Variants in MVP observed in about 807,000 individuals in gnomAD.
The protein encoded by MVP is lung resistance-related protein.
Under a neutral mutation model 83.5 loss-of-function variants are expected in MVP, and 62 were observed. The ratio of observed to expected loss-of-function variants is 0.74; its 90% confidence interval spans 0.61 to 0.92. MVP has a LOEUF of 0.92. Among genes scored for constraint, MVP ranks in the 40% least tolerant of loss-of-function variants. The probability of loss-of-function intolerance (pLI) is 0.00; values close to 1 mark genes in which losing one functional copy is unlikely to be tolerated. For synonymous variants in MVP, 505 were observed against 504.1 expected (o/e 1.00, Z -0.02); for missense variants, 1,000 against 1,203.4 (o/e 0.83, Z 2.50).
chr16:29,835,777 C>G lies in MVP; in HGVS notation c.651C>G (p.Asp217Glu). Reference sequence around the variant, plus strand: ...TTGAGGAGGTTCTGGATTTGGTGGACGCCGTCATCCTTACGGAAAAGGTTG... The same window carrying G: ...TTGAGGAGGTTCTGGATTTGGTGGAGGCCGTCATCCTTACGGAAAAGGTTG... ...AVFEEVLDLV[D>E]AVILTEKTAL... The change falls in exon 6 of 15, where the codon GAC becomes GAG. Residue 217 changes from aspartate to glutamate, a missense_variant. Asp to Glu is a conservative substitution (Grantham distance 45, BLOSUM62 2). Coordinates refer to ENST00000357402, the MANE Select transcript of MVP (RefSeq NM_005115.5). The G allele has an allele frequency of 6.2e-7, 1 of 1,613,764 alleles. No individual in the cohort carries two copies. Among genetic ancestry groups the G allele is most frequent in the Non-Finnish European group, 8.5e-7 (1 of 1,179,948 alleles).
chr16:29,827,633 G>A (rs935613505), intron 1 of MVP, among the ~76,000 whole-genome samples: 6 of 152,200 alleles, frequency 3.9e-5, no homozygotes, highest in Admixed American at 1.3e-4. Context: ...ATTAAAATTA[G>A]CTGGGTACGG....
intron 1 of MVP, chr16:29,825,997 A>C (rs2067402365): frequency 6.6e-6 from 1 of 152,260 alleles, no homozygotes; most frequent in South Asian, 2.1e-4. Flanking sequence ...TTCACTTGGC[A>C]GTAAAGCCCC....
chr16:29,837,579 C>T (rs1458010116), intron 7 of MVP, among the ~76,000 whole-genome samples: 1 of 152,048 alleles, frequency 6.6e-6, no homozygotes, highest in African/African-American at 2.4e-5. Context: ...CGTGGGGAAA[C>T]CCTGTCTCTA....
chr16:29,823,063 C>T (rs2067375077), intron 1 of MVP, among the ~76,000 whole-genome samples: 1 of 151,718 alleles, frequency 6.6e-6, no homozygotes, highest in Non-Finnish European at 1.5e-5. Context: ...AGAGACCCTC[C>T]AGTCTCTAAT....
chr16:29,838,475 TAATG>T (rs1454320220), intron 7 of MVP, among the ~76,000 whole-genome samples: 2 of 151,516 alleles, frequency 1.3e-5, no homozygotes, highest in Non-Finnish European at 2.9e-5. Context: ...TGTACATATA[TAATG>T]AATGGATAAA....
chr16:29,830,266 A>G, intron 1 of MVP: 1 of 300,940 alleles, frequency 3.3e-6, no homozygotes, highest in Admixed American at 4.7e-5. Flanking sequence ...GGAATTGGCA[A>G]GGAACCCTGG....
rs1461133515 is a variant in MVP, at chr16:29,841,859, G to A, written c.1436+19G>A. The A allele has an allele frequency of 6.2e-7, 1 of 1,608,732 alleles. No individual in the cohort carries two copies. Among genetic ancestry groups the A allele is most frequent in the Non-Finnish European group, 8.5e-7 (1 of 1,179,690 alleles). Reference sequence around the variant, plus strand: ...GAGCCCGGTGAGTGCTGGCAGCGCAGGGTGTAGGGGGTGGCTCTCCATGGG... The same window carrying A: ...GAGCCCGGTGAGTGCTGGCAGCGCAAGGTGTAGGGGGTGGCTCTCCATGGG... On this transcript the variant is annotated intron_variant, in intron 9 of 14. Transcript: ENST00000357402. The surrounding 1 kb of genome is among the most constrained non-coding windows in gnomAD (Gnocchi z 4.7).
chr16:29,844,291 G>C (rs192751663), intron 10 of MVP, among the ~76,000 whole-genome samples: 1 of 152,310 alleles, frequency 6.6e-6, no homozygotes, highest in East Asian at 1.9e-4. Context: ...CACAGGATGG[G>C]TGTTGAAGTT....
intron 1 of MVP, among the ~76,000 whole-genome samples, chr16:29,823,952 C>T (rs1261218118): frequency 6.6e-6 from 1 of 151,638 alleles, no homozygotes; most frequent in African/African-American, 2.4e-5. Context: ...AAAAGGTCTC[C>T]AGAAGGCCTG....
intron 10 of MVP, among the ~76,000 whole-genome samples, chr16:29,842,983 G>GCCCTGGCCTGCGC (rs1192001256): frequency 6.6e-6 from 1 of 152,238 alleles, no homozygotes; most frequent in Non-Finnish European, 1.5e-5. Flanking sequence ...GAAACTGACT[G>GCCCTGGCCTGCGC]CCCTGGCCTG....
intron 1 of MVP, among the ~76,000 whole-genome samples, chr16:29,821,898 A>T (rs1332516187): frequency 6.6e-6 from 1 of 152,202 alleles, no homozygotes; most frequent in Non-Finnish European, 1.5e-5. Context: ...GTCAGAAGTG[A>T]GGCCTGCAAA....
chr16:29,835,670 G>A lies in MVP; in HGVS notation c.578-34G>A, dbSNP rs748868561. On this transcript the variant is annotated intron_variant, in intron 5 of 14. Coordinates refer to ENST00000357402, the MANE Select transcript of MVP (RefSeq NM_005115.5). ...GGGGTAGGTGGGGAGCAGGCTGGGG[G>A]GCCCTTGTCCCTTACCCTCCACTCT... 2.9e-5 allele frequency: 46 copies of A among 1,585,440 alleles called. 1 individual carries two copies. Among genetic ancestry groups the A allele is most frequent in the Non-Finnish European group, 3.8e-5 (44 of 1,156,434 alleles).
At chr16:29,835,584 G>T in intron 5 of MVP, 120 bp from the exon 6 acceptor site, 2 of 708,024 alleles carry the variant, frequency 2.8e-6, no homozygotes, top group Non-Finnish European at 2.4e-6. Flanking sequence ...TTGAGCCTGG[G>T]GTCAGTGCTA....
chr16:29,845,711 G>T (rs980214493), intron 11 of MVP, 152 bp from the exon 12 acceptor site: 3 of 623,104 alleles, frequency 4.8e-6, no homozygotes, highest in Non-Finnish European at 8.4e-6. Flanking sequence ...CTTGTGGCGC[G>T]TATACCATTC....
rs71373206 is a variant in MVP at position 29,839,783 on chromosome 16, C to CAAAAAAAAAAAAAAAAA, written c.910-386_910-370dup. On this transcript the variant is annotated intron_variant, in intron 7 of 14. Coordinates refer to ENST00000357402, the MANE Select transcript of MVP (RefSeq NM_005115.5). ...CCTGGGCAAGAGAGGAAGACTATCT[C>CAAAAAAAAAAAAAAAAA]AAAAAAAAAAAAAAAAAAAAAAAAA... Among the ~76,000 whole-genome samples, 2 of 47,374 alleles carry CAAAAAAAAAAAAAAAAA rather than the reference C, an allele frequency of 4.2e-5. 1 individual carries two copies. The highest frequency in any genetic ancestry group is 6.9e-5 in the Non-Finnish European group (2 of 28,808). The allele number at this position is 47,374 out of a possible 152,430, so 31.1% of individuals were successfully genotyped here. A position where few individuals can be genotyped will look rare whatever the true frequency, so the allele number is the denominator to read the frequency against.
intron 1 of MVP, among the ~76,000 whole-genome samples, chr16:29,822,189 C>T (rs2067367702): frequency 6.6e-6 from 1 of 150,708 alleles, no homozygotes; most frequent in Non-Finnish European, 1.5e-5. Flanking sequence ...TTCCTGGGGT[C>T]GCTTCTGATC....
chr16:29,832,072 G>A (rs1364000619), intron 3 of MVP, among the ~76,000 whole-genome samples: 1 of 152,010 alleles, frequency 6.6e-6, no homozygotes, highest in Non-Finnish European at 1.5e-5. Context: ...GAGCCACCGT[G>A]TCCAGCCCCA....
intron 1 of MVP, among the ~76,000 whole-genome samples, chr16:29,824,584 C>T (rs2067392303): frequency 6.6e-6 from 1 of 152,092 alleles, no homozygotes; most frequent in South Asian, 2.1e-4. Flanking sequence ...GGGGTGAAAC[C>T]CCATCTCTAC....
intron 11 of MVP, 120 bp downstream of exon 11, chr16:29,844,999 C>T: frequency 7.5e-7 from 1 of 1,326,868 alleles, no homozygotes. Context: ...AAGATCTATT[C>T]CCTACCCAAC....
Sources: allele counts gnomAD v4.1 joint callset (sites outside exome capture counted in the v4.1 genomes callset), GRCh38; gene constraint gnomAD v4.1.1; non-coding constraint Gnocchi (gnomAD v3.1); transcripts MANE v1.5; gene names NCBI Gene and HGNC (gene_info 2026-07-23, HGNC 2026-07-21).